The following CTNNA2 variants were observed in gnomAD, a reference collection of about 807,000 sequenced individuals.
CTNNA2 encodes the protein catenin alpha-2.
Under a neutral mutation model 101.0 loss-of-function variants are expected in CTNNA2, and 42 were observed. That is an observed-to-expected ratio of 0.42 (90% CI 0.32 to 0.54). The LOEUF is 0.54. CTNNA2 is among the 20% of genes least tolerant of loss of function. The pLI, the probability that CTNNA2 is intolerant of heterozygous loss-of-function variation, is 0.14. For synonymous variants in CTNNA2, 450 were observed against 456.4 expected (o/e 0.99, Z 0.18); for missense variants, 871 against 1,223.1 (o/e 0.71, Z 4.29).
intron 9 of CTNNA2, among the ~76,000 whole-genome samples, chr2:80,457,535 T>C (rs1300714762): frequency 6.6e-6 from 1 of 152,100 alleles, no homozygotes; most frequent in Non-Finnish European, 1.5e-5. Flanking sequence ...GTCTATATTA[T>C]TAATATTAAT....
At chr2:79,948,757 A>G (rs988661853) in intron 7 of CTNNA2, among the ~76,000 whole-genome samples, 4 of 152,108 alleles carry the variant, frequency 2.6e-5, no homozygotes, top group Non-Finnish European at 5.9e-5. Flanking sequence ...TCACGAGGCC[A>G]GGAGATGGAC....
chr2:79,533,514 G>A (rs893677845), intron 1 of CTNNA2, among the ~76,000 whole-genome samples: 4 of 152,060 alleles, frequency 2.6e-5, no homozygotes, highest in Non-Finnish European at 4.4e-5. Context: ...AACACACTGA[G>A]TTCCCATGGG....
At chr2:80,595,963 A>G (rs1573399744) in intron 15 of CTNNA2, among the ~76,000 whole-genome samples, 1 of 152,132 alleles carries the variant, frequency 6.6e-6, no homozygotes, top group Admixed American at 6.5e-5. Context: ...CAGTGTGGCC[A>G]TTGTCACAGT....
intron 7 of CTNNA2, among the ~76,000 whole-genome samples, chr2:80,186,606 T>C (rs1706144981): frequency 1.3e-5 from 2 of 152,232 alleles, no homozygotes; most frequent in South Asian, 4.1e-4. Context: ...ATAATTATTC[T>C]TTTTTCTCAT....
intron 7 of CTNNA2, among the ~76,000 whole-genome samples, chr2:79,975,743 CAT>C (rs1006533189): frequency 3.3e-5 from 5 of 152,206 alleles, no homozygotes; most frequent in Admixed American, 1.3e-4. Context: ...AGGTGGAAGA[CAT>C]GTGTTAGGGC....
At chr2:79,494,927 G>A (rs10209895) in intron 4 of CTNNA2, among the ~76,000 whole-genome samples, 1 of 151,806 alleles carries the variant, frequency 6.6e-6, no homozygotes, top group African/African-American at 2.4e-5. Flanking sequence ...TGGCTAACAC[G>A]GTTCTCTACT....
At chr2:80,064,230 G>A (rs1388745572) in intron 7 of CTNNA2, among the ~76,000 whole-genome samples, 1 of 152,210 alleles carries the variant, frequency 6.6e-6, no homozygotes, top group Admixed American at 6.5e-5. Context: ...TTCATGTGCA[G>A]AATAGTCATG....
At chr2:80,080,394 G>T (rs754339127) in intron 7 of CTNNA2, among the ~76,000 whole-genome samples, 1 of 152,122 alleles carries the variant, frequency 6.6e-6, no homozygotes, top group Admixed American at 6.5e-5. Context: ...AAATGATTTC[G>T]ACAAGGACAC....
intron 9 of CTNNA2, among the ~76,000 whole-genome samples, chr2:80,459,414 C>T (rs1684247863): frequency 6.6e-6 from 1 of 152,110 alleles, no homozygotes; most frequent in African/African-American, 2.4e-5. Context: ...AAAAGCTATT[C>T]ATAAGATATT....
intron 2 of CTNNA2, among the ~76,000 whole-genome samples, chr2:79,253,884 T>A (rs1300390020): frequency 6.6e-6 from 1 of 152,220 alleles, no homozygotes; most frequent in East Asian, 1.9e-4. Flanking sequence ...AGTGCCTGAA[T>A]GGCTTGGCTG....
intron 7 of CTNNA2, among the ~76,000 whole-genome samples, chr2:80,011,495 C>A (rs963187701): frequency 6.6e-6 from 1 of 152,102 alleles, no homozygotes; most frequent in African/African-American, 2.4e-5. Context: ...TAGTAGAGAA[C>A]CTACCAGTAG....
rs986832517 is a variant in CTNNA2 at position 80,232,502 on chromosome 2, T to C, written c.1057-160709T>C. Among the ~76,000 whole-genome samples the C allele has an allele frequency of 2.0e-5, 3 of 151,896 alleles. No individual in the cohort carries two copies. The East Asian group carries it at 5.8e-4, about 30-fold the overall frequency. On this transcript the variant is annotated intron_variant, in intron 7 of 18. Coordinates refer to ENST00000402739, the MANE Select transcript of CTNNA2 (RefSeq NM_001282597.3). ...TTGGGCCAGGAGTGAGTGGCTGACT[T>C]AGAGGTAATCTGGGCTGAGCAATCA...
intron 2 of CTNNA2, among the ~76,000 whole-genome samples, chr2:79,292,002 G>T (rs1002264515): frequency 2.6e-5 from 4 of 151,996 alleles, no homozygotes; most frequent in Non-Finnish European, 5.9e-5. Context: ...AGGGCTTTTG[G>T]GGGGTAGAGC....
chr2:79,850,919 G>A (rs17339549), intron 3 of CTNNA2, among the ~76,000 whole-genome samples: 30,793 of 152,070 alleles, frequency 0.2, 3,789 homozygotes, highest in Non-Finnish European at 0.28. Flanking sequence ...AGCCTAATGA[G>A]ATCCTAAAGT....
intron 2 of CTNNA2, among the ~76,000 whole-genome samples, chr2:79,718,321 T>G (rs1686243693): frequency 6.6e-6 from 1 of 152,220 alleles, no homozygotes; most frequent in Admixed American, 6.5e-5. Flanking sequence ...TTCAGTATAT[T>G]GTGAGCATAT....
chr2:80,634,620 G>A (rs1175605849), intron 18 of CTNNA2, among the ~76,000 whole-genome samples: 3 of 152,012 alleles, frequency 2.0e-5, no homozygotes, highest in South Asian at 2.1e-4. Context: ...TAACAGGATC[G>A]TTCTCGCTTC....
intron 1 of CTNNA2, among the ~76,000 whole-genome samples, chr2:79,637,270 G>A (rs1290997368): frequency 6.6e-6 from 1 of 152,168 alleles, no homozygotes; most frequent in South Asian, 2.1e-4. Flanking sequence ...TGAAATTGAG[G>A]ATACAGAAGA....
At chr2:79,623,489 A>G (rs986866827) in intron 1 of CTNNA2, among the ~76,000 whole-genome samples, 10 of 152,188 alleles carry the variant, frequency 6.6e-5, no homozygotes, top group African/African-American at 2.4e-4. Flanking sequence ...CTTCTAAGTA[A>G]ATGGTAATGA....
At chr2:79,445,399 A>C (rs948077005) in intron 4 of CTNNA2, among the ~76,000 whole-genome samples, 23 of 152,132 alleles carry the variant, frequency 1.5e-4, no homozygotes, top group African/African-American at 5.6e-4. Flanking sequence ...CAGATGTTGA[A>C]CCTCCCATAG....
Sources: allele counts gnomAD v4.1 joint callset (sites outside exome capture counted in the v4.1 genomes callset), GRCh38; gene constraint gnomAD v4.1.1; transcripts MANE v1.5; gene names NCBI Gene and HGNC (gene_info 2026-07-23, HGNC 2026-07-21).